The following PTPRD variants were observed in gnomAD, a reference collection of about 807,000 sequenced individuals.
The protein encoded by PTPRD is protein tyrosine phosphatase receptor type D.
PTPRD carries 34 observed loss-of-function variants against 214.5 expected under a neutral mutation model. That is an observed-to-expected ratio of 0.16 (90% CI 0.12 to 0.21). PTPRD has a LOEUF of 0.21. Among genes scored for constraint, PTPRD ranks in the 10% least tolerant of loss-of-function variants. The pLI is 1.00. For missense variants in PTPRD, 2,545 were observed against 2,398.7 expected (o/e 1.06, Z -1.27); for synonymous variants, 1,128 against 845.7 (o/e 1.33, Z -5.79).
chr9:9,672,901 G>A (rs931152153), intron 7 of PTPRD, among the ~76,000 whole-genome samples: 1 of 152,038 alleles, frequency 6.6e-6, no homozygotes, highest in African/African-American at 2.4e-5. Flanking sequence ...ATGCATTAAT[G>A]CATTTGTATT....
At chr9:8,462,470 T>A (rs780408099) in intron 32 of PTPRD, among the ~76,000 whole-genome samples, 9 of 152,052 alleles carry the variant, frequency 5.9e-5, no homozygotes, top group Non-Finnish European at 1.2e-4. Flanking sequence ...AGGCTCTCTC[T>A]TGATTCCCAA....
At chr9:10,197,853 G>A (rs546012598) in intron 3 of PTPRD, among the ~76,000 whole-genome samples, 15 of 152,154 alleles carry the variant, frequency 9.9e-5, no homozygotes, top group African/African-American at 3.6e-4. Context: ...GCAAGAACAA[G>A]CACTCAGATC....
chr9:8,584,146 C>A (rs2093435195), intron 14 of PTPRD, among the ~76,000 whole-genome samples: 1 of 151,818 alleles, frequency 6.6e-6, no homozygotes, highest in South Asian at 2.1e-4. Context: ...AGAGTGAGAT[C>A]CTGTCTCAAA....
At chr9:8,541,622 G>A (rs772160023) in intron 14 of PTPRD, among the ~76,000 whole-genome samples, 2 of 152,000 alleles carry the variant, frequency 1.3e-5, no homozygotes, top group African/African-American at 4.8e-5. Context: ...TTCCACCCTG[G>A]CCTTCCAGTG....
intron 10 of PTPRD, among the ~76,000 whole-genome samples, chr9:9,019,216 A>G (rs994539780): frequency 6.6e-5 from 10 of 151,790 alleles, no homozygotes; most frequent in African/African-American, 1.9e-4. Context: ...CAGGATTTTT[A>G]TTATAGAAAG....
At chr9:9,053,383 CAAT>C (rs1309270306) in intron 10 of PTPRD, among the ~76,000 whole-genome samples, 1 of 146,174 alleles carries the variant, frequency 6.8e-6, no homozygotes, top group Admixed American at 6.8e-5. Flanking sequence ...TTATGATGGC[CAAT>C]GATGATGATG....
chr9:10,265,145 C>T (rs1055676999), intron 3 of PTPRD, among the ~76,000 whole-genome samples: 14 of 152,084 alleles, frequency 9.2e-5, no homozygotes, highest in Admixed American at 5.2e-4. Context: ...AGTATGACAC[C>T]GTGACTCCCT....
intron 3 of PTPRD, among the ~76,000 whole-genome samples, chr9:10,100,219 C>A (rs2098538288): frequency 6.6e-6 from 1 of 151,680 alleles, no homozygotes; most frequent in African/African-American, 2.4e-5. Flanking sequence ...CAGCAACAAA[C>A]TGAGAATGTT....
chr9:9,914,426 G>C (rs1410860972), intron 5 of PTPRD, among the ~76,000 whole-genome samples: 1 of 152,150 alleles, frequency 6.6e-6, no homozygotes, highest in African/African-American at 2.4e-5. Context: ...ATGCTGAGTA[G>C]CCGTGTAGCC....
intron 8 of PTPRD, among the ~76,000 whole-genome samples, chr9:9,398,338 T>G (rs1185814866): frequency 6.6e-6 from 1 of 152,008 alleles, no homozygotes; most frequent in Non-Finnish European, 1.5e-5. Context: ...TAGCCCATAT[T>G]GGTGTTTATG....
chr9:9,026,432 G>A (rs2099587299), intron 10 of PTPRD, among the ~76,000 whole-genome samples: 1 of 151,888 alleles, frequency 6.6e-6, no homozygotes, highest in African/African-American at 2.4e-5. Flanking sequence ...TGATAATAAT[G>A]AGGAAGACAA....
rs1018330306 is a variant in PTPRD at position 9,602,131 on chromosome 9, C to G, written c.-286-27350G>C. ...AATATTTTTTCATAAAAGCAGACAA[C>G]ATTGTTCACTTCATTCCTATTACCT... is the stretch of plus-strand genomic sequence containing the variant. On this transcript the variant is annotated intron_variant, in intron 7 of 45. Transcript: ENST00000381196. Among the ~76,000 whole-genome samples, 21 of 152,056 alleles carry G rather than the reference C, an allele frequency of 1.4e-4. No homozygotes were observed. In the South Asian group the frequency reaches 1.7e-3, roughly 12 times the overall value.
intron 9 of PTPRD, among the ~76,000 whole-genome samples, chr9:9,214,027 G>A (rs372948306): frequency 6.6e-6 from 1 of 152,090 alleles, no homozygotes; most frequent in South Asian, 2.1e-4. Flanking sequence ...ACAGATAAAT[G>A]TAAACATGTT....
At position 9,299,870 on chromosome 9, in the gene PTPRD, G is replaced by A. The variant is rs116257463; in HGVS notation, c.-203+97579C>T. Among the ~76,000 whole-genome samples the A allele has an allele frequency of 6.5e-3, 977 of 151,000 alleles. 9 individuals are homozygous for A. Among genetic ancestry groups the A allele is most frequent in the African/African-American group, 0.023 (932 of 41,202 alleles). On this transcript the variant is annotated intron_variant, in intron 9 of 45. Coordinates refer to ENST00000381196, the MANE Select transcript of PTPRD (RefSeq NM_002839.4). ...TCTTGAGCAACAAAAACTTCTTACT[G>A]ATTAATCTAACTTGAAAACTAAGAT... is the stretch of plus-strand genomic sequence containing the variant.
chr9:9,725,352 C>T (rs2098066347), intron 7 of PTPRD, among the ~76,000 whole-genome samples: 1 of 150,936 alleles, frequency 6.6e-6, no homozygotes, highest in Admixed American at 6.6e-5. Context: ...ATGTAAAAGA[C>T]ATAACTCACT....
chr9:9,809,144 G>C (rs550441161), intron 5 of PTPRD, among the ~76,000 whole-genome samples: 3 of 151,632 alleles, frequency 2.0e-5, no homozygotes, highest in African/African-American at 7.3e-5. Flanking sequence ...ATATTTGTGG[G>C]TCTCCCATGT....
intron 3 of PTPRD, among the ~76,000 whole-genome samples, chr9:10,257,955 T>C (rs1366971432): frequency 2.0e-5 from 3 of 152,094 alleles, no homozygotes; most frequent in Non-Finnish European, 4.4e-5. Context: ...GTGTGTGTTA[T>C]GTGCAAAAAC....
At chr9:9,189,543 CAT>C (rs949386474) in intron 9 of PTPRD, among the ~76,000 whole-genome samples, 2 of 152,042 alleles carry the variant, frequency 1.3e-5, no homozygotes, top group African/African-American at 4.8e-5. Flanking sequence ...TCCTTAAATC[CAT>C]ATGAGATGCT....
chr9:8,832,129 TG>T (rs1423775989), intron 11 of PTPRD, among the ~76,000 whole-genome samples: 1 of 148,676 alleles, frequency 6.7e-6, no homozygotes. Flanking sequence ...TGTGTGTGTG[TG>T]TGTGTATGAT....
Sources: gnomAD v4.1 joint callset for allele counts (sites outside exome capture counted in the v4.1 genomes callset) on GRCh38, gnomAD v4.1.1 for gene constraint, MANE v1.5 for transcripts, NCBI Gene and HGNC (gene_info 2026-07-23, HGNC 2026-07-21) for gene names.